Variants in CDKN2B-AS1 observed in about 807,000 individuals in gnomAD.
CDKN2B-AS1 encodes the protein CDKN2B and CDKN2A antisense cis and trans regulatory RNA 1, also known as CDKN2B antisense RNA 1 (non-protein coding).
chr9:22,062,549 GC>G (rs1823864996), intron 4 of CDKN2B-AS1, among the ~76,000 whole-genome samples: 1 of 152,158 alleles, frequency 6.6e-6, no homozygotes, highest in African/African-American at 2.4e-5. Flanking sequence ...CCTTAATGGG[GC>G]TACATGAGGA....
chr9:22,072,474 T>A (rs923422926), intron 4 of CDKN2B-AS1, among the ~76,000 whole-genome samples: 2 of 152,216 alleles, frequency 1.3e-5, no homozygotes, highest in Non-Finnish European at 2.9e-5. Flanking sequence ...CAGGTTCCAT[T>A]TCATCTCTAA....
At chr9:22,016,649 C>T (rs980249990) in intron 1 of CDKN2B-AS1, among the ~76,000 whole-genome samples, 1 of 152,114 alleles carries the variant, frequency 6.6e-6, no homozygotes, top group Non-Finnish European at 1.5e-5. Flanking sequence ...CACCGCATAT[C>T]TACAACTATC....
At chr9:22,075,934 G>A (rs1824474125) in intron 4 of CDKN2B-AS1, among the ~76,000 whole-genome samples, 1 of 152,210 alleles carries the variant, frequency 6.6e-6, no homozygotes, top group Non-Finnish European at 1.5e-5. Context: ...ACAAAGAAGG[G>A]TGAGGACAGG....
At chr9:22,110,336 G>T (rs1825772747) in intron 4 of CDKN2B-AS1, among the ~76,000 whole-genome samples, 1 of 152,048 alleles carries the variant, frequency 6.6e-6, no homozygotes, top group Non-Finnish European at 1.5e-5. Context: ...TATCTCTTCT[G>T]GTACTATCAC....
At chr9:22,100,941 G>A (rs1033808673) in intron 4 of CDKN2B-AS1, among the ~76,000 whole-genome samples, 3 of 152,072 alleles carry the variant, frequency 2.0e-5, no homozygotes, top group Admixed American at 6.6e-5. Flanking sequence ...AACCATTCAC[G>A]TGTCTTCTGT....
At chr9:22,071,701 T>G (rs1824302420) in intron 4 of CDKN2B-AS1, among the ~76,000 whole-genome samples, 2 of 152,188 alleles carry the variant, frequency 1.3e-5, no homozygotes, top group African/African-American at 4.8e-5. Context: ...CATTGTGGAT[T>G]TTATATACTG....
At chr9:22,099,778 T>C (rs928059414) in intron 4 of CDKN2B-AS1, among the ~76,000 whole-genome samples, 2 of 152,160 alleles carry the variant, frequency 1.3e-5, no homozygotes, top group Non-Finnish European at 2.9e-5. Context: ...ACATATTCAG[T>C]ATGCCACAAG....
At chr9:22,074,891 C>G (rs1325963693) in intron 4 of CDKN2B-AS1, among the ~76,000 whole-genome samples, 1 of 152,204 alleles carries the variant, frequency 6.6e-6, no homozygotes, top group Non-Finnish European at 1.5e-5. Flanking sequence ...TCCAACTGGT[C>G]TGCTACTGAC....
At chr9:22,048,558 T>C (rs1225423199) in intron 2 of CDKN2B-AS1, among the ~76,000 whole-genome samples, 1 of 152,206 alleles carries the variant, frequency 6.6e-6, no homozygotes, top group Non-Finnish European at 1.5e-5. Flanking sequence ...TAGTTCATTC[T>C]CAGGTCTTTT....
At chr9:22,102,408 C>T (rs1355636986) in intron 4 of CDKN2B-AS1, among the ~76,000 whole-genome samples, 1 of 152,116 alleles carries the variant, frequency 6.6e-6, no homozygotes, top group Non-Finnish European at 1.5e-5. Flanking sequence ...TTTATAACAA[C>T]AGAAATGTAT....
At chr9:22,104,598 G>C (rs1363219847) in intron 4 of CDKN2B-AS1, among the ~76,000 whole-genome samples, 1 of 152,142 alleles carries the variant, frequency 6.6e-6, no homozygotes, top group South Asian at 2.1e-4. Context: ...TACATGCTGG[G>C]TATAAGAAGT....
intron 4 of CDKN2B-AS1, among the ~76,000 whole-genome samples, chr9:22,069,612 C>G (rs937834174): frequency 4.6e-5 from 7 of 152,096 alleles, no homozygotes; most frequent in Admixed American, 3.3e-4. Flanking sequence ...ATAATCCAAT[C>G]AAGGTATATT....
rs139781386 is a variant in CDKN2B-AS1 at position 22,015,727 on chromosome 9, C to T, written n.29+20566C>T. 8.8e-3 allele frequency among the ~76,000 whole-genome samples: 1,334 copies of T among 152,136 alleles called. 18 individuals are homozygous for T. Among genetic ancestry groups the T allele is most frequent in the Non-Finnish European group, 0.011 (765 of 68,000 alleles). On this transcript the variant is annotated intron_variant and non_coding_transcript_variant, in intron 1 of 4. Transcript: ENST00000650946. ...TATGTATTCATGTGCCATGCTGGTG[C>T]GCTGCACCGACTAACTCATCATCTA...
At chr9:22,085,880 T>C (rs1373571277) in intron 4 of CDKN2B-AS1, among the ~76,000 whole-genome samples, 5 of 151,868 alleles carry the variant, frequency 3.3e-5, no homozygotes, top group Non-Finnish European at 7.4e-5. Flanking sequence ...TTTTGACTTG[T>C]TTTTCTATTT....
At chr9:22,029,526 C>T (rs1396899898) in intron 1 of CDKN2B-AS1, 2 of 779,356 alleles carry the variant, frequency 2.6e-6, no homozygotes, top group Non-Finnish European at 2.4e-6. Flanking sequence ...GATCTCCGTC[C>T]TGGCCCCCAT....
rs934774662 is a variant in CDKN2B-AS1, at chr9:21,997,465, G to T, written n.29+2304G>T. ...TGTCTACACACACATATGTGGGGGAGAGAAAGAGAGGGAGGGAGAGAGAGA... is the reference window on the plus strand; with the variant it reads ...TGTCTACACACACATATGTGGGGGATAGAAAGAGAGGGAGGGAGAGAGAGA... On this transcript the variant is annotated intron_variant and non_coding_transcript_variant, in intron 1 of 4. Transcript: ENST00000650946. This position sits in a 1 kb window ranked among gnomAD's most constrained non-coding sequence, Gnocchi z 4.8. Among the ~76,000 whole-genome samples, 1 of 150,258 alleles carries T rather than the reference G, an allele frequency of 6.7e-6. No individual in the cohort carries two copies.
chr9:22,093,647 C>T (rs1388103137), intron 4 of CDKN2B-AS1, among the ~76,000 whole-genome samples: 2 of 139,596 alleles, frequency 1.4e-5, no homozygotes, highest in Non-Finnish European at 3.0e-5. Flanking sequence ...CAACCCCTGC[C>T]TTTTTTTGTT....
Position 22,008,736 on chromosome 9 carries a change from C to T in CDKN2B-AS1, n.29+13575C>T, listed in dbSNP as rs768633034. The T allele has an allele frequency of 3.7e-6, 6 of 1,610,670 alleles. No individual in the cohort carries two copies. The Admixed American group carries it at 5.0e-5, about 13-fold the overall frequency. ...GGCGATCTAGGTTCCAGCCCCGATC[C>T]GCCGAGGCCGCGCCCCGCGTTCGCG... is the stretch of plus-strand genomic sequence containing the variant. On this transcript the variant is annotated intron_variant and non_coding_transcript_variant, in intron 1 of 4. Transcript: ENST00000650946.
intron 1 of CDKN2B-AS1, among the ~76,000 whole-genome samples, chr9:21,998,001 T>G (rs1467067332): frequency 6.6e-6 from 1 of 152,188 alleles, no homozygotes. Context: ...ATAAGGGTAA[T>G]TGCTTATTTC....
Sources: allele counts gnomAD v4.1 joint callset (sites outside exome capture counted in the v4.1 genomes callset), GRCh38; gene constraint gnomAD v4.1.1; non-coding constraint Gnocchi (gnomAD v3.1); transcripts MANE v1.5; gene names NCBI Gene and HGNC (gene_info 2026-07-23, HGNC 2026-07-21).